The following GNAZ variants were observed in gnomAD, a reference collection of about 807,000 sequenced individuals.
GNAZ encodes the protein guanine nucleotide-binding protein G(z) subunit alpha.
A neutral mutation model predicts 25.4 loss-of-function variants in GNAZ; 3 were observed. The ratio of observed to expected loss-of-function variants is 0.12; its 90% CI spans 0.05 to 0.30. The LOEUF (loss-of-function observed/expected upper bound fraction) is 0.30, where lower values mean the gene tolerates loss of function less well. GNAZ is among the 10% of genes least tolerant of loss of function. The pLI, the probability that GNAZ is intolerant of heterozygous loss-of-function variation, is 1.00. For missense variants in GNAZ, 241 were observed against 501.8 expected (o/e 0.48, Z 4.97); for synonymous variants, 211 against 205.7 (o/e 1.03, Z -0.22).
chr22:23,123,490 C>A lies in GNAZ; in HGVS notation c.*59C>A. The A allele has an allele frequency of 1.7e-6, 2 of 1,168,960 alleles. No homozygotes were observed. The highest frequency in any genetic ancestry group is 2.5e-6 in the Non-Finnish European group (2 of 806,090). The allele number at this position is 1,168,960 out of a possible 1,614,324, so 72.4% of individuals were successfully genotyped here. On this transcript the variant is annotated 3_prime_UTR_variant, in exon 3 of 3. Coordinates refer to ENST00000615612, the MANE Select transcript of GNAZ (RefSeq NM_002073.4). Reference sequence around the variant, plus strand: ...AAACCCACGGGGTGTCATGCCCCAACGCGTGCTAGAGAGGCCCAATCCAGG... The same window carrying A: ...AAACCCACGGGGTGTCATGCCCCAAAGCGTGCTAGAGAGGCCCAATCCAGG...
At chr22:23,111,035 G>A (rs569993337) in intron 2 of GNAZ, among the ~76,000 whole-genome samples, 1 of 152,352 alleles carries the variant, frequency 6.6e-6, no homozygotes, top group South Asian at 2.1e-4. Flanking sequence ...GAGGGGGTAG[G>A]ATAGCACTGG....
chr22:23,072,451 G>A (rs2068403975), intron 1 of GNAZ, among the ~76,000 whole-genome samples: 2 of 152,212 alleles, frequency 1.3e-5, no homozygotes, highest in South Asian at 4.1e-4. Flanking sequence ...GACAGGAGGT[G>A]AATAAGACAT....
chr22:23,071,381 G>C lies in GNAZ; in HGVS notation c.-450+811G>C, dbSNP rs1039507945. On this transcript the variant is annotated intron_variant, in intron 1 of 2. Coordinates refer to ENST00000615612, the MANE Select transcript of GNAZ (RefSeq NM_002073.4). This position sits in a 1 kb window ranked among gnomAD's most constrained non-coding sequence, Gnocchi z 4.1. ...CTGTTAACTGAGACAAGAGGATGAT[G>C]CCAAGCGAGACCAGCGTTCCGCGTA... Among the ~76,000 whole-genome samples the C allele has an allele frequency of 3.3e-5, 5 of 152,170 alleles. No homozygotes were observed. Among genetic ancestry groups the C allele is most frequent in the Non-Finnish European group, 7.4e-5 (5 of 68,016 alleles).
At chr22:23,121,294 G>A (rs2146397527) in intron 2 of GNAZ, among the ~76,000 whole-genome samples, 1 of 152,340 alleles carries the variant, frequency 6.6e-6, no homozygotes, top group Non-Finnish European at 1.5e-5. Context: ...TGGAGTGCAG[G>A]GTTCCAGGGT....
At chr22:23,087,586 G>A (rs957599177) in intron 1 of GNAZ, among the ~76,000 whole-genome samples, 2 of 152,196 alleles carry the variant, frequency 1.3e-5, no homozygotes, top group African/African-American at 2.4e-5. Context: ...GCAGGAGACC[G>A]GAGTGTTATT....
At chr22:23,083,359 C>T (rs1338342371) in intron 1 of GNAZ, among the ~76,000 whole-genome samples, 1 of 152,060 alleles carries the variant, frequency 6.6e-6, no homozygotes, top group African/African-American at 2.4e-5. Flanking sequence ...GGGTCAGCAG[C>T]GACCTCAGGT....
At chr22:23,080,430 A>T (rs1245569289) in intron 1 of GNAZ, among the ~76,000 whole-genome samples, 2 of 152,220 alleles carry the variant, frequency 1.3e-5, no homozygotes, top group East Asian at 3.9e-4. Flanking sequence ...CAGCCGGGGC[A>T]TAGCCTGGGG....
intron 2 of GNAZ, among the ~76,000 whole-genome samples, chr22:23,097,740 T>C (rs2069169149): frequency 6.6e-6 from 1 of 152,272 alleles, no homozygotes; most frequent in Admixed American, 6.5e-5. Context: ...TCAGGCTCCC[T>C]TGATGAGGCA....
intron 2 of GNAZ, among the ~76,000 whole-genome samples, chr22:23,116,155 T>G (rs1462600577): frequency 1.3e-5 from 2 of 152,268 alleles, no homozygotes; most frequent in African/African-American, 4.8e-5. Context: ...GAAGCTGCCA[T>G]GACCTCCGTC....
chr22:23,071,740 C>G lies in GNAZ; in HGVS notation c.-450+1170C>G, dbSNP rs2068382862. On this transcript the variant is annotated intron_variant, in intron 1 of 2. Coordinates refer to ENST00000615612, the MANE Select transcript of GNAZ (RefSeq NM_002073.4). The surrounding 1 kb of genome is among the most constrained non-coding windows in gnomAD (Gnocchi z 4.1). ...TCGGGAGGGACCTCAGAGTGGTGTC[C>G]TGGGCTGGGGGGTCAGGTGAGCTCG... is the stretch of plus-strand genomic sequence containing the variant. Among the ~76,000 whole-genome samples the G allele has an allele frequency of 3.9e-5, 6 of 152,148 alleles. No homozygotes were observed. In the South Asian group the frequency reaches 1.2e-3, roughly 32 times the overall value.
rs574007159 is a variant in GNAZ at position 23,087,645 on chromosome 22, G to T, written c.-449-7602G>T. Among the ~76,000 whole-genome samples the T allele has an allele frequency of 4.6e-5, 7 of 152,322 alleles. No individual in the cohort carries two copies. In the East Asian group the frequency reaches 1.2e-3, roughly 25 times the overall value. Reference sequence around the variant, plus strand: ...GCATTCAGGAAGCAAAGTTTTTAAGGATAACTTGGTGGATGGGGGGTAGCC... The same window carrying T: ...GCATTCAGGAAGCAAAGTTTTTAAGTATAACTTGGTGGATGGGGGGTAGCC... On this transcript the variant is annotated intron_variant, in intron 1 of 2. Transcript: ENST00000615612.
At chr22:23,098,236 T>A (rs1409929168) in intron 2 of GNAZ, among the ~76,000 whole-genome samples, 1 of 152,250 alleles carries the variant, frequency 6.6e-6, no homozygotes, top group Non-Finnish European at 1.5e-5. Context: ...AGCCTTAAGC[T>A]TGTAATGATC....
chr22:23,093,985 G>A (rs903395665), intron 1 of GNAZ, among the ~76,000 whole-genome samples: 2 of 152,212 alleles, frequency 1.3e-5, no homozygotes, highest in African/African-American at 4.8e-5. Context: ...GGGCACGGAT[G>A]GCTGCTGGGA....
chr22:23,110,963 C>T (rs989063545), intron 2 of GNAZ, among the ~76,000 whole-genome samples: 2 of 152,198 alleles, frequency 1.3e-5, no homozygotes, highest in Admixed American at 1.3e-4. Flanking sequence ...GGGTCAGCGA[C>T]GATTCCATCT....
Position 23,096,211 on chromosome 22 carries a change from C to G in GNAZ, c.516C>G (p.Val172=). Residue 172 remains valine, a synonymous_variant, in exon 2 of 3, where the codon GTC becomes GTG. Coordinates refer to ENST00000615612, the MANE Select transcript of GNAZ (RefSeq NM_002073.4). ...CCGCAGCTGACTATATCCCCACTGT[C>G]GAGGACATCCTGCGCTCCCGGGACA... is the stretch of plus-strand genomic sequence containing the variant. ...RIAAADYIPT[V]EDILRSRDMT... 1 of 1,613,792 alleles carries G rather than the reference C, an allele frequency of 6.2e-7. No individual in the cohort carries two copies. The highest frequency in any genetic ancestry group is 1.6e-4 in the Middle Eastern group (1 of 6,062).
chr22:23,123,478 G>A lies in GNAZ; in HGVS notation c.*47G>A. ...CTGCCTATGGTGAAACCCACGGGGT[G>A]TCATGCCCCAACGCGTGCTAGAGAG... On this transcript the variant is annotated 3_prime_UTR_variant, in exon 3 of 3. Coordinates refer to ENST00000615612, the MANE Select transcript of GNAZ (RefSeq NM_002073.4). The A allele has an allele frequency of 7.6e-7, 1 of 1,308,400 alleles. No individual in the cohort carries two copies. Among genetic ancestry groups the A allele is most frequent in the Middle Eastern group, 2.0e-4 (1 of 5,096 alleles). 81.0% of individuals were successfully genotyped at this position (1,308,400 alleles called of 1,614,324 possible). A position where few individuals can be genotyped will look rare whatever the true frequency, so the allele number is the denominator to read the frequency against.
chr22:23,075,625 C>T (rs1293338279), intron 1 of GNAZ, among the ~76,000 whole-genome samples: 3 of 152,194 alleles, frequency 2.0e-5, no homozygotes, highest in Admixed American at 1.3e-4. Flanking sequence ...TGCTAAGAAG[C>T]GAGACTGTTA....
chr22:23,074,072 C>T (rs907958928), intron 1 of GNAZ, among the ~76,000 whole-genome samples: 2 of 152,134 alleles, frequency 1.3e-5, no homozygotes, highest in Non-Finnish European at 2.9e-5. Context: ...GAACCTGGTG[C>T]AGGAGTGTGG....
intron 2 of GNAZ, among the ~76,000 whole-genome samples, chr22:23,098,939 C>T (rs909270050): frequency 6.6e-6 from 1 of 152,242 alleles, no homozygotes; most frequent in East Asian, 1.9e-4. Flanking sequence ...ACGTGCTGAA[C>T]TGTCCTCCCT....
Sources: gnomAD v4.1 joint callset for allele counts (sites outside exome capture counted in the v4.1 genomes callset) on GRCh38, gnomAD v4.1.1 for gene constraint, Gnocchi (gnomAD v3.1) non-coding constraint, MANE v1.5 for transcripts, NCBI Gene and HGNC (gene_info 2026-07-23, HGNC 2026-07-21) for gene names.